TMEM87B: variants seen among roughly 807,000 people sequenced by gnomAD.
The protein encoded by TMEM87B is transmembrane protein 87B.
In TMEM87B, 83 loss-of-function variants were observed where a neutral mutation model predicts 80.3. That is an observed-to-expected ratio of 1.03 (90% CI 0.87 to 1.24). The LOEUF (loss-of-function observed/expected upper bound fraction) is 1.24. TMEM87B is among the 50% of genes most tolerant of loss of function. The pLI, the probability that TMEM87B is intolerant of heterozygous loss-of-function variation, is 0.00. For synonymous variants in TMEM87B, 219 were observed against 230.5 expected (o/e 0.95, Z 0.45); for missense variants, 625 against 674.4 (o/e 0.93, Z 0.81).
At chr2:112,076,762 C>T (rs1031564289) in intron 5 of TMEM87B, among the ~76,000 whole-genome samples, 1 of 151,666 alleles carries the variant, frequency 6.6e-6, no homozygotes, top group Non-Finnish European at 1.5e-5. Context: ...TCCTCCTTTA[C>T]CTTTTTAGGT....
At chr2:112,081,918 G>A (rs72829646) in intron 8 of TMEM87B, among the ~76,000 whole-genome samples, 3,650 of 152,164 alleles carry the variant, frequency 0.024, 66 homozygotes, top group African/African-American at 0.054. Flanking sequence ...GAAATTGGCC[G>A]CAGGGAGTAA....
At chr2:112,112,541 G>GAGCC (rs1419045870) in intron 17 of TMEM87B, among the ~76,000 whole-genome samples, 8 of 152,146 alleles carry the variant, frequency 5.3e-5, no homozygotes, top group African/African-American at 1.9e-4. Context: ...TTCACATCAG[G>GAGCC]AGCCCACTTT....
intron 5 of TMEM87B, among the ~76,000 whole-genome samples, 195 bp downstream of exon 5, chr2:112,075,157 T>C (rs1278811581): frequency 6.6e-6 from 1 of 152,222 alleles, no homozygotes; most frequent in African/African-American, 2.4e-5. Flanking sequence ...CCCAGCACTT[T>C]GGGAGGCTGA....
chr2:112,058,627 A>T (rs1678154785), intron 1 of TMEM87B, among the ~76,000 whole-genome samples: 1 of 152,182 alleles, frequency 6.6e-6, no homozygotes, highest in Non-Finnish European at 1.5e-5. Flanking sequence ...CCCAGTAGCT[A>T]CTTTAGGATG....
At position 112,084,119 on chromosome 2, in the gene TMEM87B, T is replaced by C. The variant is rs556517870; in HGVS notation, c.839-1886T>C. On this transcript the variant is annotated intron_variant, in intron 8 of 18. Coordinates refer to ENST00000283206, the MANE Select transcript of TMEM87B (RefSeq NM_032824.3). ...TCCCACAAGCTCCCACAACCTCAGA[T>C]TGCAGCAGGAGCCTGGAAGGAAAGT... Among the ~76,000 whole-genome samples the C allele has an allele frequency of 4.6e-5, 7 of 152,300 alleles. No homozygotes were observed. In the South Asian group the frequency reaches 1.5e-3, roughly 32 times the overall value.
At chr2:112,074,622 G>C (rs572365377) in intron 4 of TMEM87B, among the ~76,000 whole-genome samples, 1 of 152,172 alleles carries the variant, frequency 6.6e-6, no homozygotes, top group South Asian at 2.1e-4. Context: ...AGCTAGGTTG[G>C]GGAAGTTCTC....
At chr2:112,098,373 T>A (rs1679533588) in intron 13 of TMEM87B, among the ~76,000 whole-genome samples, 1 of 152,192 alleles carries the variant, frequency 6.6e-6, no homozygotes, top group African/African-American at 2.4e-5. Context: ...ATCTTTCTGT[T>A]AACCCAAAAA....
intron 1 of TMEM87B, among the ~76,000 whole-genome samples, chr2:112,059,372 G>C (rs191281014): frequency 6.6e-6 from 1 of 151,866 alleles, no homozygotes; most frequent in Admixed American, 6.6e-5. Flanking sequence ...GGGCTTTTGA[G>C]CTGGGCTTTG....
At chr2:112,062,381 A>G (rs1359345244) in intron 2 of TMEM87B, among the ~76,000 whole-genome samples, 3 of 152,250 alleles carry the variant, frequency 2.0e-5, no homozygotes, top group African/African-American at 7.2e-5. Flanking sequence ...AATGAACCAT[A>G]TGATCATCTC....
chr2:112,104,290 A>C (rs1372559491), intron 15 of TMEM87B, among the ~76,000 whole-genome samples: 1 of 152,224 alleles, frequency 6.6e-6, no homozygotes, highest in Non-Finnish European at 1.5e-5. Flanking sequence ...GGCTAGCTAC[A>C]GTGGGAGATA....
chr2:112,083,664 C>T (rs1035007595), intron 8 of TMEM87B, among the ~76,000 whole-genome samples: 7 of 152,150 alleles, frequency 4.6e-5, no homozygotes, highest in Non-Finnish European at 8.8e-5. Flanking sequence ...GTAGAGGCTT[C>T]CAGGTGATTC....
intron 6 of TMEM87B, among the ~76,000 whole-genome samples, chr2:112,080,496 T>G (rs974251850): frequency 6.6e-6 from 1 of 151,792 alleles, no homozygotes; most frequent in Non-Finnish European, 1.5e-5. Context: ...CCTGACCTCG[T>G]AATCCGCCCG....
intron 2 of TMEM87B, among the ~76,000 whole-genome samples, chr2:112,061,270 A>G (rs1678250792): frequency 1.3e-5 from 2 of 152,186 alleles, no homozygotes; most frequent in African/African-American, 4.8e-5. Flanking sequence ...TAACCTAACT[A>G]GGAAAATTGG....
chr2:112,073,577 T>C (rs1486301012), intron 4 of TMEM87B, among the ~76,000 whole-genome samples: 1 of 152,172 alleles, frequency 6.6e-6, no homozygotes, highest in Non-Finnish European at 1.5e-5. Context: ...TATTCTATTA[T>C]TTTTGGGTGA....
At chr2:112,065,980 G>A (rs1184939637) in intron 3 of TMEM87B, among the ~76,000 whole-genome samples, 1 of 152,166 alleles carries the variant, frequency 6.6e-6, no homozygotes, top group South Asian at 2.1e-4. Context: ...CTCATTTTTG[G>A]TGATGTTAAT....
chr2:112,055,885 C>G (rs953817542), intron 1 of TMEM87B, 129 bp downstream of exon 1: 1 of 1,218,700 alleles, frequency 8.2e-7, no homozygotes, highest in African/African-American at 1.6e-5. Context: ...GATACCCTCC[C>G]TGAGCCTTTT....
chr2:112,067,108 C>T, intron 4 of TMEM87B, 41 bp downstream of exon 4: 1 of 1,597,994 alleles, frequency 6.3e-7, no homozygotes, highest in Non-Finnish European at 8.5e-7. Flanking sequence ...ATTTTATTCC[C>T]AGTGAATACA....
intron 2 of TMEM87B, among the ~76,000 whole-genome samples, chr2:112,061,501 A>G (rs745540872): frequency 5.3e-5 from 8 of 152,284 alleles, no homozygotes; most frequent in East Asian, 3.9e-4. Context: ...TGTAATATCA[A>G]TCATCAGTTG....
At chr2:112,094,056 G>T (rs1367317295) in intron 11 of TMEM87B, among the ~76,000 whole-genome samples, 1 of 152,064 alleles carries the variant, frequency 6.6e-6, no homozygotes. Flanking sequence ...ACAAGTTAGG[G>T]AGTATGGTCC....
Sources: allele counts gnomAD v4.1 joint callset (sites outside exome capture counted in the v4.1 genomes callset), GRCh38; gene constraint gnomAD v4.1.1; transcripts MANE v1.5; gene names NCBI Gene and HGNC (gene_info 2026-07-23, HGNC 2026-07-21).